The following SERGEF variants were observed in gnomAD, a reference collection of about 807,000 sequenced individuals.
SERGEF encodes secretion regulating guanine nucleotide exchange factor.
SERGEF carries 51 observed loss-of-function variants against 50.0 expected under a neutral mutation model. That is an observed-to-expected ratio of 1.02 (90% confidence interval 0.81 to 1.29). The LOEUF is 1.29. Among genes scored for constraint, SERGEF ranks in the 50% most tolerant of loss-of-function variants. SERGEF has a pLI of 0.00. For missense variants in SERGEF, 521 were observed against 557.0 expected (o/e 0.94, Z 0.65); for synonymous variants, 205 against 212.4 (o/e 0.97, Z 0.30).
At chr11:17,998,278 G>A (rs921942573) in intron 5 of SERGEF, among the ~76,000 whole-genome samples, 8 of 151,414 alleles carry the variant, frequency 5.3e-5, no homozygotes, top group Admixed American at 2.0e-4. Flanking sequence ...TTAGCTGAGT[G>A]TGGTGGCACA....
chr11:17,907,641 CCAGG>C (rs1851874355), intron 9 of SERGEF, among the ~76,000 whole-genome samples: 1 of 152,166 alleles, frequency 6.6e-6, no homozygotes, highest in Admixed American at 6.6e-5. Flanking sequence ...ATAGAACTAT[CCAGG>C]CAGAGGGGGA....
At chr11:17,965,322 A>G (rs1008878471) in intron 8 of SERGEF, among the ~76,000 whole-genome samples, 3 of 152,190 alleles carry the variant, frequency 2.0e-5, no homozygotes, top group African/African-American at 7.2e-5. Flanking sequence ...CTCCCCAGCC[A>G]TGCAGGAACT....
At chr11:17,970,387 C>T (rs1034534523) in intron 8 of SERGEF, among the ~76,000 whole-genome samples, 3 of 152,124 alleles carry the variant, frequency 2.0e-5, no homozygotes, top group East Asian at 1.9e-4. Context: ...ACTGCTCCAC[C>T]GACCAGCCCT....
chr11:17,908,218 A>G (rs541483997), intron 9 of SERGEF, among the ~76,000 whole-genome samples: 171 of 152,282 alleles, frequency 1.1e-3, no homozygotes, highest in African/African-American at 3.9e-3. Flanking sequence ...TAGGAGTCCT[A>G]TACAATCTGG....
intron 10 of SERGEF, among the ~76,000 whole-genome samples, chr11:17,866,564 G>A (rs1333532268): frequency 6.6e-6 from 1 of 152,196 alleles, no homozygotes; most frequent in Non-Finnish European, 1.5e-5. Context: ...GAGTCCAGTG[G>A]CAGGATCTTG....
At chr11:17,925,977 T>C (rs929225891) in intron 9 of SERGEF, among the ~76,000 whole-genome samples, 1 of 152,184 alleles carries the variant, frequency 6.6e-6, no homozygotes, top group Non-Finnish European at 1.5e-5. Flanking sequence ...ACAATATATT[T>C]TGAAAACTAT....
Position 18,012,952 on chromosome 11 carries a change from C to A in SERGEF, c.59G>T (p.Trp20Leu). 1 of 1,500,406 alleles carries A rather than the reference C, an allele frequency of 6.7e-7. No individual in the cohort carries two copies. Among genetic ancestry groups the A allele is most frequent in the East Asian group, 2.7e-5 (1 of 36,466 alleles). The allele number at this position is 1,500,406 out of a possible 1,614,324, so 92.9% of individuals were successfully genotyped here. The part of the protein sequence containing the change: ...AAPAAAALFA[W>L]GANSYGQLGL... ...CGGCCCGGGGGCGGAGTCACGTACCCAGGCGAAGAGCGCGGCCGCCGCGGG... is the reference window on the plus strand; with the variant it reads ...CGGCCCGGGGGCGGAGTCACGTACCAAGGCGAAGAGCGCGGCCGCCGCGGG... The change falls in exon 1 of 11, where the codon TGG becomes TTG. Residue 20 changes from tryptophan (W) to leucine (L), a missense_variant and splice_region_variant. Trp to Leu is a moderately conservative substitution (Grantham distance 61). Transcript: ENST00000265965.
At chr11:17,894,009 C>T (rs983591565) in intron 9 of SERGEF, among the ~76,000 whole-genome samples, 1 of 152,214 alleles carries the variant, frequency 6.6e-6, no homozygotes, top group African/African-American at 2.4e-5. Context: ...CTCCCCCACT[C>T]TGTCAAAATG....
At chr11:17,942,620 CT>C (rs1240450073) in intron 9 of SERGEF, among the ~76,000 whole-genome samples, 1 of 152,218 alleles carries the variant, frequency 6.6e-6, no homozygotes, top group East Asian at 1.9e-4. Context: ...CTTTATGGCA[CT>C]GGCTAGAACC....
At chr11:17,882,662 A>T (rs1851357024) in intron 9 of SERGEF, among the ~76,000 whole-genome samples, 1 of 152,072 alleles carries the variant, frequency 6.6e-6, no homozygotes, top group Non-Finnish European at 1.5e-5. Flanking sequence ...AGTACAGGGC[A>T]TGGGGGTGAG....
intron 10 of SERGEF, among the ~76,000 whole-genome samples, chr11:17,809,696 G>A (rs1274993031): frequency 1.3e-5 from 2 of 152,174 alleles, no homozygotes; most frequent in Admixed American, 6.5e-5. Flanking sequence ...AAGCAAAGAG[G>A]TGGGACCAAG....
Position 18,007,960 on chromosome 11 carries a change from G to A in SERGEF, c.177C>T (p.Gly59=). Residue 59 remains glycine, a synonymous_variant, in exon 2 of 11, where the codon GGC becomes GGT. Coordinates refer to ENST00000265965, the MANE Select transcript of SERGEF (RefSeq NM_012139.4). The part of the protein sequence containing the change: ...RSVRRITGGG[G]HSAVVTDGGD... Reference sequence around the variant, plus strand: ...AATTACCTGTGACAACTGCAGAGTGGCCCCCTCCTCCTGTGATCCTCCTGA... The same window carrying A: ...AATTACCTGTGACAACTGCAGAGTGACCCCCTCCTCCTGTGATCCTCCTGA... The A allele has an allele frequency of 6.2e-7, 1 of 1,613,366 alleles. No individual in the cohort carries two copies. Among genetic ancestry groups the A allele is most frequent in the Non-Finnish European group, 8.5e-7 (1 of 1,179,600 alleles).
At chr11:18,009,215 C>T (rs1854145739) in intron 1 of SERGEF, among the ~76,000 whole-genome samples, 1 of 152,154 alleles carries the variant, frequency 6.6e-6, no homozygotes, top group African/African-American at 2.4e-5. Context: ...CTGTTAGGCT[C>T]ATTCTTAACG....
chr11:17,844,520 G>T (rs1201331225), intron 10 of SERGEF, among the ~76,000 whole-genome samples: 1 of 152,176 alleles, frequency 6.6e-6, no homozygotes, highest in Admixed American at 6.5e-5. Flanking sequence ...ATCAAGGATA[G>T]TGCTTCAAGG....
intron 10 of SERGEF, among the ~76,000 whole-genome samples, chr11:17,796,511 T>C (rs1849574490): frequency 6.6e-6 from 1 of 152,072 alleles, no homozygotes; most frequent in Admixed American, 6.5e-5. Flanking sequence ...GGTCTCTTTT[T>C]CTCTCTTTCT....
In SERGEF at chr11:17,868,298, A is replaced by C. The variant is rs942392413; in HGVS notation, c.1048+9910T>G. On this transcript the variant is annotated intron_variant, in intron 10 of 10. Transcript: ENST00000265965. ...CACATACCCTAAATCATTTCTCTCA[A>C]GTTCAAAGTTCCACAAATCTCTAGG... 6.6e-5 allele frequency among the ~76,000 whole-genome samples: 10 copies of C among 152,280 alleles called. No individual in the cohort carries two copies. In the East Asian group the frequency reaches 1.9e-3, roughly 29 times the overall value.
chr11:18,013,028 G>T lies in SERGEF; in HGVS notation c.-18C>A. ...CGCTCCATGCGAGGACGCTCCGCCG[G>T]CGCTTCCGGGAGGGACGGCACGGGG... On this transcript the variant is annotated 5_prime_UTR_variant, in exon 1 of 11. Transcript: ENST00000265965. This position sits in a 1 kb window ranked among gnomAD's most constrained non-coding sequence, Gnocchi z 4.3. The T allele has an allele frequency of 7.3e-7, 1 of 1,365,084 alleles. No homozygotes were observed. The highest frequency in any genetic ancestry group is 1.5e-5 in the African/African-American group (1 of 65,036). 84.6% of individuals were successfully genotyped at this position (1,365,084 alleles called of 1,614,324 possible).
At chr11:17,928,144 C>T (rs1852285157) in intron 9 of SERGEF, among the ~76,000 whole-genome samples, 1 of 152,236 alleles carries the variant, frequency 6.6e-6, no homozygotes, top group Admixed American at 6.5e-5. Flanking sequence ...TCTGTACTGG[C>T]ATGCTGCCAG....
intron 2 of SERGEF, 117 bp from the exon 3 acceptor site, chr11:18,006,863 C>G (rs1854085360): frequency 8.5e-7 from 1 of 1,180,502 alleles, no homozygotes. Flanking sequence ...TTTTGCCATC[C>G]AAGTTAATAA....
Sources: allele counts gnomAD v4.1 joint callset (sites outside exome capture counted in the v4.1 genomes callset), GRCh38; gene constraint gnomAD v4.1.1; non-coding constraint Gnocchi (gnomAD v3.1); transcripts MANE v1.5; gene names NCBI Gene and HGNC (gene_info 2026-07-23, HGNC 2026-07-21).